The following CYP4X1 variants were observed in gnomAD, a reference collection of about 807,000 sequenced individuals.
CYP4X1 encodes cytochrome P450 4X1.
A neutral mutation model predicts 57.9 loss-of-function variants in CYP4X1; 44 were observed. The ratio of observed to expected loss-of-function variants is 0.76; its 90% confidence interval spans 0.60 to 0.98. The LOEUF (loss-of-function observed/expected upper bound fraction) is 0.98. CYP4X1 is among the 50% of genes least tolerant of loss of function. The probability of loss-of-function intolerance (pLI) is 0.00; values close to 1 mark genes in which losing one functional copy is unlikely to be tolerated. For missense variants in CYP4X1, 532 were observed against 623.9 expected (o/e 0.85, Z 1.57); for synonymous variants, 227 against 228.6 (o/e 0.99, Z 0.06).
chr1:46,990,656 C>G, the CYP4X1 span, among the ~76,000 whole-genome samples: 1 of 152,064 alleles, frequency 6.6e-6, no homozygotes, highest in Admixed American at 6.6e-5. Flanking sequence ...AACCCAAATG[C>G]CCATCAATGA....
the CYP4X1 span, among the ~76,000 whole-genome samples, chr1:47,010,654 A>G: frequency 1.3e-5 from 2 of 152,240 alleles, no homozygotes; most frequent in East Asian, 3.8e-4. Context: ...TTGTATATCT[A>G]GAAAACCCCA....
chr1:47,041,202 C>T (rs1644243129), intron 8 of CYP4X1, among the ~76,000 whole-genome samples: 1 of 152,048 alleles, frequency 6.6e-6, no homozygotes, highest in Non-Finnish European at 1.5e-5. Context: ...GTGATGGACA[C>T]TTAAGTTGAT....
chr1:46,961,638 C>T, the CYP4X1 span: 5 of 1,290,034 alleles, frequency 3.9e-6, no homozygotes, highest in East Asian at 2.2e-4. Context: ...CTGAAGTTCC[C>T]ACCCTGCTTA....
intron 8 of CYP4X1, among the ~76,000 whole-genome samples, chr1:47,041,447 A>G (rs972848217): frequency 6.6e-6 from 1 of 152,118 alleles, no homozygotes; most frequent in Non-Finnish European, 1.5e-5. Flanking sequence ...CATCCTCACC[A>G]ACATTTGTCT....
chr1:46,982,664 G>A, the CYP4X1 span, among the ~76,000 whole-genome samples: 36 of 152,280 alleles, frequency 2.4e-4, no homozygotes, highest in Non-Finnish European at 4.6e-4. Flanking sequence ...TTAGGGCTGC[G>A]TTCCAGTAAT....
upstream of CYP4X1, among the ~76,000 whole-genome samples, chr1:47,019,137 A>C (rs1643971433): frequency 6.6e-6 from 1 of 152,190 alleles, no homozygotes; most frequent in South Asian, 2.1e-4. Context: ...CACTCATCTA[A>C]AGACATATGT....
the CYP4X1 span, among the ~76,000 whole-genome samples, chr1:46,962,568 G>A: frequency 5.9e-5 from 9 of 152,174 alleles, no homozygotes; most frequent in Admixed American, 1.3e-4. Context: ...AAGATTAGAC[G>A]AATGGCTAAC....
rs1644221308 is a variant in CYP4X1, at chr1:47,039,470, G to C, written c.1011G>C (p.Glu337Asp). 1 of 1,613,376 alleles carries C rather than the reference G, an allele frequency of 6.2e-7. No individual in the cohort carries two copies. Among genetic ancestry groups the C allele is most frequent in the South Asian group, 1.1e-5 (1 of 91,000 alleles). Residue 337 changes from glutamate to aspartate, a missense_variant, in exon 8 of 12, where the codon GAG (glutamate) becomes GAC (aspartate). Glu to Asp is a conservative substitution (Grantham distance 45, BLOSUM62 2). Coordinates refer to ENST00000371901, the MANE Select transcript of CYP4X1 (RefSeq NM_178033.2). Reference protein sequence around the residue: ...WILYCLALNPEHQERCREEVR... With the variant: ...WILYCLALNPDHQERCREEVR... ...TTTACTGCCTGGCTCTGAACCCTGAGCATCAAGAGAGATGCCGGGAGGAGG... is the reference window on the plus strand; with the variant it reads ...TTTACTGCCTGGCTCTGAACCCTGACCATCAAGAGAGATGCCGGGAGGAGG...
chr1:47,048,472 C>T, intron 9 of CYP4X1, 93 bp from the exon 10 acceptor site: 1 of 1,346,668 alleles, frequency 7.4e-7, no homozygotes, highest in Non-Finnish European at 1.1e-6. Flanking sequence ...GGAGCTAGCT[C>T]TTCCCTTCAA....
At chr1:46,996,646 G>C in the CYP4X1 span, among the ~76,000 whole-genome samples, 1 of 152,158 alleles carries the variant, frequency 6.6e-6, no homozygotes, top group African/African-American at 2.4e-5. Context: ...AATTGTCCTT[G>C]TGATTGTCAA....
intron 8 of CYP4X1, among the ~76,000 whole-genome samples, chr1:47,041,000 A>C (rs1644241139): frequency 1.3e-5 from 2 of 151,872 alleles, no homozygotes; most frequent in African/African-American, 2.4e-5. Context: ...TGCTTCTTTG[A>C]GTTTAATGTT....
chr1:47,039,303 C>T (rs762874789), intron 7 of CYP4X1, 39 bp from the exon 8 acceptor site: 35 of 1,495,454 alleles, frequency 2.3e-5, no homozygotes, highest in Non-Finnish European at 3.1e-5. Flanking sequence ...CATTTATAAA[C>T]TGGCATTTTA....
downstream of CYP4X1, among the ~76,000 whole-genome samples, chr1:47,054,924 C>T (rs1364115587): frequency 1.3e-5 from 2 of 152,092 alleles, no homozygotes; most frequent in African/African-American, 4.8e-5. Context: ...CTTCTCCTGC[C>T]GGATTGCCCT....
chr1:47,012,800 T>C, the CYP4X1 span, among the ~76,000 whole-genome samples: 34 of 152,304 alleles, frequency 2.2e-4, no homozygotes, highest in African/African-American at 8.2e-4. Flanking sequence ...AAGTGACATA[T>C]TAGGTAAGCT....
chr1:47,029,928 T>C, intron 1 of CYP4X1, 62 bp from the exon 2 acceptor site: 2 of 1,574,520 alleles, frequency 1.3e-6, no homozygotes, highest in Non-Finnish European at 1.7e-6. Context: ...ACTCAGCTTG[T>C]GTCTATAAGA....
At chr1:46,990,347 G>A in the CYP4X1 span, among the ~76,000 whole-genome samples, 7 of 152,154 alleles carry the variant, frequency 4.6e-5, no homozygotes, top group African/African-American at 1.7e-4. Flanking sequence ...AAACCACAAT[G>A]AGATACCATC....
At chr1:47,045,030 G>A (rs1644286620) in intron 8 of CYP4X1, among the ~76,000 whole-genome samples, 1 of 151,988 alleles carries the variant, frequency 6.6e-6, no homozygotes, top group Non-Finnish European at 1.5e-5. Flanking sequence ...TCTCCATGTT[G>A]GTCAGGCTGG....
chr1:47,035,996 T>C, intron 5 of CYP4X1, 21 bp from the exon 6 acceptor site: 2 of 1,610,240 alleles, frequency 1.2e-6, no homozygotes, highest in Non-Finnish European at 1.7e-6. Context: ...ATTAACACAT[T>C]ATCCCAACTT....
chr1:47,003,865 G>A, the CYP4X1 span, among the ~76,000 whole-genome samples: 2 of 151,938 alleles, frequency 1.3e-5, no homozygotes, highest in Non-Finnish European at 1.5e-5. Context: ...CCTCTCCACC[G>A]TCCCCGCCAA....
Sources: allele counts gnomAD v4.1 joint callset (sites outside exome capture counted in the v4.1 genomes callset), GRCh38; gene constraint gnomAD v4.1.1; transcripts MANE v1.5; gene names NCBI Gene and HGNC (gene_info 2026-07-23, HGNC 2026-07-21).